Variants in FAM53B observed in about 807,000 individuals in gnomAD.
The protein encoded by FAM53B is protein FAM53B.
In FAM53B, 12 loss-of-function variants were observed where a neutral mutation model predicts 32.7. That is an observed-to-expected ratio of 0.37 (90% CI 0.24 to 0.59). FAM53B has a LOEUF of 0.59. Among genes scored for constraint, FAM53B ranks in the 20% least tolerant of loss-of-function variants. The probability of loss-of-function intolerance (pLI) is 0.72; values close to 1 mark genes in which losing one functional copy is unlikely to be tolerated. For synonymous variants in FAM53B, 234 were observed against 228.7 expected, an observed-to-expected ratio of 1.02 and a Z score of -0.21; for missense variants, 477 against 577.7, an observed-to-expected ratio of 0.83 and a Z score of 1.79.
chr10:124,647,373 T>C (rs1160321064), intron 4 of FAM53B, among the ~76,000 whole-genome samples: 3 of 151,948 alleles, frequency 2.0e-5, no homozygotes, highest in Non-Finnish European at 4.4e-5. Flanking sequence ...TAAACCCCAC[T>C]CCCCAAGCTG....
chr10:124,743,732 C>T (rs2134108995), intron 1 of FAM53B, among the ~76,000 whole-genome samples: 1 of 150,596 alleles, frequency 6.6e-6, no homozygotes, highest in South Asian at 2.1e-4. Context: ...TCCGCCGCAG[C>T]CAGGCTTGTT....
chr10:124,656,724 T>C (rs1001974499), intron 4 of FAM53B, among the ~76,000 whole-genome samples: 9 of 152,108 alleles, frequency 5.9e-5, no homozygotes, highest in African/African-American at 1.9e-4. Context: ...AAAGAGGAAA[T>C]AGCATTATTA....
intron 4 of FAM53B, among the ~76,000 whole-genome samples, chr10:124,646,430 G>A (rs531104615): frequency 6.6e-6 from 1 of 152,340 alleles, no homozygotes; most frequent in South Asian, 2.1e-4. Flanking sequence ...ACAGCCAAGC[G>A]TGTAAGGAAT....
At chr10:124,664,357 G>A (rs1373239196) in intron 4 of FAM53B, among the ~76,000 whole-genome samples, 1 of 152,204 alleles carries the variant, frequency 6.6e-6, no homozygotes, top group East Asian at 1.9e-4. Context: ...CAGGCCTCCG[G>A]GGCCAAAAGC....
intron 4 of FAM53B, among the ~76,000 whole-genome samples, chr10:124,670,150 C>T (rs987687524): frequency 8.6e-5 from 13 of 152,014 alleles, no homozygotes; most frequent in Non-Finnish European, 2.9e-5. Flanking sequence ...CAACAGAGGG[C>T]GGGCGGTGAC....
chr10:124,712,366 T>A (rs138901514), intron 1 of FAM53B, among the ~76,000 whole-genome samples: 86 of 152,104 alleles, frequency 5.7e-4, no homozygotes, highest in African/African-American at 1.9e-3. Context: ...AAAAAATAAT[T>A]ATTATTATTA....
chr10:124,705,318 C>T (rs894567827), intron 2 of FAM53B, among the ~76,000 whole-genome samples: 2 of 152,218 alleles, frequency 1.3e-5, no homozygotes, highest in Non-Finnish European at 1.5e-5. Flanking sequence ...AAGGCGGAGG[C>T]GGAGCCAGTG....
intron 1 of FAM53B, among the ~76,000 whole-genome samples, chr10:124,727,390 C>T (rs527275871): frequency 4.0e-5 from 6 of 151,242 alleles, no homozygotes; most frequent in South Asian, 2.1e-4. Context: ...TATCACAGGG[C>T]CATTCACAGG....
In FAM53B at chr10:124,623,505, A is replaced by C; in HGVS notation, c.1006T>G (p.Trp336Gly). ...FARHVSNTRA[W>G]TALLSASGPG... Reference sequence around the variant, plus strand: ...CCGGAGGCTGAGAGCAGGGCGGTCCAGGCCCTGGTGTTGCTGACGTGGCGG... The same window carrying C: ...CCGGAGGCTGAGAGCAGGGCGGTCCCGGCCCTGGTGTTGCTGACGTGGCGG... Residue 336 changes from tryptophan to glycine, a missense_variant, in exon 5 of 5, where the codon TGG (tryptophan) becomes GGG (glycine). Transcript: ENST00000337318. The C allele has an allele frequency of 6.3e-7, 1 of 1,593,134 alleles. No homozygotes were observed. The highest frequency in any genetic ancestry group is 8.5e-7 in the Non-Finnish European group (1 of 1,170,586).
chr10:124,631,950 G>A (rs1949393856), intron 4 of FAM53B, among the ~76,000 whole-genome samples: 1 of 152,298 alleles, frequency 6.6e-6, no homozygotes, highest in East Asian at 1.9e-4. Context: ...TTCACAGTGG[G>A]TGCATCGTGC....
At chr10:124,628,930 C>G (rs540821603) in intron 4 of FAM53B, among the ~76,000 whole-genome samples, 3 of 152,226 alleles carry the variant, frequency 2.0e-5, no homozygotes, top group African/African-American at 4.8e-5. Context: ...GGGCTTCCCT[C>G]GCCTCCCTGA....
chr10:124,646,307 A>G (rs77465478), intron 4 of FAM53B, among the ~76,000 whole-genome samples: 2 of 152,292 alleles, frequency 1.3e-5, no homozygotes, highest in Non-Finnish European at 2.9e-5. Context: ...GAATGTTTCC[A>G]TCGTGGCTTC....
At chr10:124,706,542 G>A (rs1043761017) in intron 2 of FAM53B, 94 bp downstream of exon 2, 27 of 1,521,824 alleles carry the variant, frequency 1.8e-5, no homozygotes, top group Middle Eastern at 1.7e-4. Flanking sequence ...CTCTGGACTC[G>A]ATTTGCTAAG....
chr10:124,640,725 G>A (rs541225238), intron 4 of FAM53B, among the ~76,000 whole-genome samples: 2 of 152,216 alleles, frequency 1.3e-5, no homozygotes, highest in Non-Finnish European at 1.5e-5. Flanking sequence ...TGTCATCAGA[G>A]GTTTGGTGAG....
At chr10:124,724,238 A>C (rs899891530) in intron 1 of FAM53B, among the ~76,000 whole-genome samples, 7 of 152,200 alleles carry the variant, frequency 4.6e-5, no homozygotes, top group Non-Finnish European at 7.3e-5. Flanking sequence ...AGGGTATTCT[A>C]TTAGGATGCT....
chr10:124,651,652 G>A lies in FAM53B; in HGVS notation c.907-28048C>T, dbSNP rs566410635. On this transcript the variant is annotated intron_variant, in intron 4 of 4. Coordinates refer to ENST00000337318, the MANE Select transcript of FAM53B (RefSeq NM_014661.4). This position sits in a 1 kb window ranked among gnomAD's most constrained non-coding sequence, Gnocchi z 5.2. ...AGCGGCCTCCTCATTTCCTCCTCAGGGGAGCACTGTGGAGACTGTCAGCTG... is the reference window on the plus strand; with the variant it reads ...AGCGGCCTCCTCATTTCCTCCTCAGAGGAGCACTGTGGAGACTGTCAGCTG... Among the ~76,000 whole-genome samples, 28 of 152,116 alleles carry A rather than the reference G, an allele frequency of 1.8e-4. No individual in the cohort carries two copies. Among genetic ancestry groups the A allele is most frequent in the Non-Finnish European group, 3.7e-4 (25 of 67,998 alleles).
At chr10:124,709,916 C>T (rs1949989072) in intron 1 of FAM53B, among the ~76,000 whole-genome samples, 1 of 151,952 alleles carries the variant, frequency 6.6e-6, no homozygotes, top group Admixed American at 6.6e-5. Flanking sequence ...AATGACAGTT[C>T]CGGAGAGGAA....
Position 124,744,336 on chromosome 10 carries a change from G to C in FAM53B, c.-498C>G, listed in dbSNP as rs1238652443. The stretch of plus-strand genomic sequence containing the variant: ...CGCTAGGCGCGGCGGCGGCGTGCAG[G>C]AGGCAGGCGGCGTGCGGCGGCGGCG... On this transcript the variant is annotated 5_prime_UTR_variant, in exon 1 of 5. Coordinates refer to ENST00000337318, the MANE Select transcript of FAM53B (RefSeq NM_014661.4). 1 of 144,812 alleles carries C rather than the reference G, an allele frequency of 6.9e-6. No individual in the cohort carries two copies. Among genetic ancestry groups the C allele is most frequent in the Non-Finnish European group, 1.5e-5 (1 of 64,608 alleles). The allele number at this position is 144,812 out of a possible 1,614,324, so 9.0% of individuals were successfully genotyped here.
Position 124,743,001 on chromosome 10 carries a change from G to A in FAM53B, c.-175+1012C>T, listed in dbSNP as rs1445277727. The A allele has an allele frequency of 2.0e-5, 3 of 152,244 alleles. No individual in the cohort carries two copies. The East Asian group carries it at 5.8e-4, about 29-fold the overall frequency. 9.4% of individuals were successfully genotyped at this position (152,244 alleles called of 1,614,324 possible). On this transcript the variant is annotated intron_variant, in intron 1 of 4. Transcript: ENST00000337318. ...AATGAGCCCGGGCGGTCAGATGGAA[G>A]GAGCTCGGCTTCAGGGGGCGTCCGA...
Sources: gnomAD v4.1 joint callset for allele counts (sites outside exome capture counted in the v4.1 genomes callset) on GRCh38, gnomAD v4.1.1 for gene constraint, Gnocchi (gnomAD v3.1) non-coding constraint, MANE v1.5 for transcripts, NCBI Gene and HGNC (gene_info 2026-07-23, HGNC 2026-07-21) for gene names.